The following HOMER1 variants were observed in gnomAD, a reference collection of about 807,000 sequenced individuals.
HOMER1 encodes homer scaffold protein 1, also known as homer protein homolog 1.
HOMER1 carries 3 observed loss-of-function variants against 48.9 expected under a neutral mutation model. The observed-to-expected ratio is 0.06, with a 90% confidence interval of 0.03 to 0.16. HOMER1 has a LOEUF of 0.16. HOMER1 is among the 10% of genes least tolerant of loss of function. The pLI is 1.00. For missense variants in HOMER1, 247 were observed against 411.4 expected (o/e 0.60, Z 3.46); for synonymous variants, 134 against 146.4 (o/e 0.92, Z 0.61).
At chr5:79,451,610 G>T (rs1237522087) in intron 2 of HOMER1, among the ~76,000 whole-genome samples, 2 of 129,042 alleles carry the variant, frequency 1.5e-5, no homozygotes, top group Non-Finnish European at 3.1e-5. Context: ...CTGTCGCCCA[G>T]GCTGGAGTGC....
At chr5:79,488,861 C>G (rs1752192222) in intron 1 of HOMER1, among the ~76,000 whole-genome samples, 1 of 152,276 alleles carries the variant, frequency 6.6e-6, no homozygotes, top group East Asian at 1.9e-4. Flanking sequence ...TTCAAGATCA[C>G]ACAGCCAAGA....
At chr5:79,481,022 T>C (rs552352356) in intron 1 of HOMER1, among the ~76,000 whole-genome samples, 1 of 152,350 alleles carries the variant, frequency 6.6e-6, no homozygotes, top group East Asian at 1.9e-4. Flanking sequence ...CAATAGTCTA[T>C]GTAAGTGATT....
chr5:79,436,625 T>C (rs1375944374), intron 5 of HOMER1, among the ~76,000 whole-genome samples: 1 of 152,236 alleles, frequency 6.6e-6, no homozygotes, highest in Non-Finnish European at 1.5e-5. Flanking sequence ...TGTTTTCTCT[T>C]TGGTTTCATT....
intron 1 of HOMER1, among the ~76,000 whole-genome samples, chr5:79,458,206 A>G (rs1027962043): frequency 1.4e-4 from 22 of 152,152 alleles, no homozygotes; most frequent in African/African-American, 5.1e-4. Context: ...AAGATGATCT[A>G]TATATAATAG....
chr5:79,469,006 A>G (rs1751550142), intron 1 of HOMER1, among the ~76,000 whole-genome samples: 1 of 152,218 alleles, frequency 6.6e-6, no homozygotes, highest in Admixed American at 6.5e-5. Flanking sequence ...TTTAGCTCCA[A>G]TAGTGAAAAA....
chr5:79,512,872 A>AC lies in HOMER1; in HGVS notation c.-99dup. ...TCTGCTATTTCGCAGTTGCTTTTCC[A>AC]CCCCCACCCCCAGATCCTTGTCCGG... On this transcript the variant is annotated 5_prime_UTR_variant, in exon 1 of 9. Coordinates refer to ENST00000334082, the MANE Select transcript of HOMER1 (RefSeq NM_004272.5). 2.8e-6 allele frequency: 3 copies of AC among 1,069,812 alleles called. No homozygotes were observed. Among genetic ancestry groups the AC allele is most frequent in the South Asian group, 2.6e-5 (2 of 77,910 alleles). 66.3% of individuals were successfully genotyped at this position (1,069,812 alleles called of 1,614,324 possible). A position where few individuals can be genotyped will look rare whatever the true frequency, so the allele number is the denominator to read the frequency against.
chr5:79,496,083 G>A (rs1227017836), intron 1 of HOMER1, among the ~76,000 whole-genome samples: 1 of 152,162 alleles, frequency 6.6e-6, no homozygotes, highest in Non-Finnish European at 1.5e-5. Flanking sequence ...AGAAGGAATG[G>A]TGCCTGGTTT....
rs1216943814 is a variant in HOMER1, at chr5:79,449,898, AAC to A, written c.294+1090_294+1091del. Among the ~76,000 whole-genome samples, 5 of 152,358 alleles carry A rather than the reference AAC, an allele frequency of 3.3e-5. No individual in the cohort carries two copies. The East Asian group carries it at 9.6e-4, about 29-fold the overall frequency. ...CCAAAAGATAACAAAAACACTTGAAAACAGTGTTAAGAAATGTTTATAATTAG... is the reference window on the plus strand; with the variant it reads ...CCAAAAGATAACAAAAACACTTGAAAAGTGTTAAGAAATGTTTATAATTAG... On this transcript the variant is annotated intron_variant, in intron 3 of 8. Coordinates refer to ENST00000334082, the MANE Select transcript of HOMER1 (RefSeq NM_004272.5).
chr5:79,471,570 A>G (rs965087766), intron 1 of HOMER1, among the ~76,000 whole-genome samples: 129 of 151,362 alleles, frequency 8.5e-4, no homozygotes, highest in African/African-American at 2.0e-3. Context: ...AAAAAAAAAA[A>G]AAAGAAAGAA....
rs538492420 is a variant in HOMER1 at position 79,377,232 on chromosome 5, C to T, written c.877-1035G>A. Among the ~76,000 whole-genome samples the T allele has an allele frequency of 5.3e-5, 8 of 152,280 alleles. No homozygotes were observed. In the South Asian group the frequency reaches 1.5e-3, roughly 28 times the overall value. ...CCACCCGCCTCGGCCTCCAAATGTG[C>T]TAGGATTACAGGCGTGAGCCACCCC... is the stretch of plus-strand genomic sequence containing the variant. On this transcript the variant is annotated intron_variant, in intron 8 of 8. Transcript: ENST00000334082.
chr5:79,427,370 GT>G (rs550570484), intron 5 of HOMER1, among the ~76,000 whole-genome samples: 17 of 151,110 alleles, frequency 1.1e-4, no homozygotes, highest in African/African-American at 3.6e-4. Flanking sequence ...AATTTATCCA[GT>G]TTTTTTTTGT....
chr5:79,376,858 T>C (rs1187895195), intron 8 of HOMER1, among the ~76,000 whole-genome samples: 3 of 152,118 alleles, frequency 2.0e-5, no homozygotes, highest in African/African-American at 7.2e-5. Context: ...CAAAAGGAAA[T>C]CAAATGTTCA....
intron 5 of HOMER1, among the ~76,000 whole-genome samples, chr5:79,425,655 A>G (rs1041886957): frequency 6.6e-6 from 1 of 152,096 alleles, no homozygotes; most frequent in African/African-American, 2.4e-5. Context: ...ATCTGTTTTA[A>G]AAAGGTGAAA....
intron 5 of HOMER1, among the ~76,000 whole-genome samples, chr5:79,422,871 G>A (rs993392120): frequency 4.1e-5 from 6 of 147,880 alleles, no homozygotes; most frequent in African/African-American, 1.5e-4. Flanking sequence ...AACAGTGGGA[G>A]TGGAGACAAG....
At chr5:79,378,015 C>T (rs763691073) in intron 8 of HOMER1, among the ~76,000 whole-genome samples, 1 of 151,956 alleles carries the variant, frequency 6.6e-6, no homozygotes, top group Non-Finnish European at 1.5e-5. Context: ...GTCAGGAGGT[C>T]GAGACCAGCC....
At chr5:79,416,970 T>G (rs907778691) in intron 5 of HOMER1, among the ~76,000 whole-genome samples, 1 of 152,174 alleles carries the variant, frequency 6.6e-6, no homozygotes, top group Non-Finnish European at 1.5e-5. Context: ...ATTTGGAAGG[T>G]TGAGAGCCAG....
At chr5:79,502,764 A>G (rs1330055874) in intron 1 of HOMER1, among the ~76,000 whole-genome samples, 1 of 152,188 alleles carries the variant, frequency 6.6e-6, no homozygotes, top group Non-Finnish European at 1.5e-5. Context: ...AAGGGCATTG[A>G]CCCATGCTCA....
intron 1 of HOMER1, among the ~76,000 whole-genome samples, chr5:79,473,973 T>G (rs1751688912): frequency 6.6e-6 from 1 of 152,164 alleles, no homozygotes; most frequent in South Asian, 2.1e-4. Context: ...ATTTAGGTAC[T>G]TTGGCAGAAA....
At chr5:79,503,079 G>A (rs182584477) in intron 1 of HOMER1, among the ~76,000 whole-genome samples, 159 of 152,182 alleles carry the variant, frequency 1.0e-3, no homozygotes, top group East Asian at 8.5e-3. Context: ...GAGCCACTGC[G>A]CCCAGCCTGC....
Sources: gnomAD v4.1 joint callset for allele counts (sites outside exome capture counted in the v4.1 genomes callset) on GRCh38, gnomAD v4.1.1 for gene constraint, MANE v1.5 for transcripts, NCBI Gene and HGNC (gene_info 2026-07-23, HGNC 2026-07-21) for gene names.